The following MYO10 variants were observed in gnomAD, a reference collection of about 807,000 sequenced individuals.
MYO10 encodes unconventional myosin-X.
Under a neutral mutation model 257.3 loss-of-function variants are expected in MYO10, and 133 were observed. That is an observed-to-expected ratio of 0.52 (90% CI 0.45 to 0.60). MYO10 has a LOEUF of 0.60. Ranked by LOEUF, MYO10 falls within the 20% of genes least tolerant of loss-of-function variation. The pLI, the probability that MYO10 is intolerant of heterozygous loss-of-function variation, is 0.00. For missense variants in MYO10, 2,399 were observed against 2,635.7 expected, an observed-to-expected ratio of 0.91 and a Z score of 1.97; for synonymous variants, 1,104 against 1,028.6, an observed-to-expected ratio of 1.07 and a Z score of -1.40.
rs571931909 is a variant in MYO10 at position 16,821,443 on chromosome 5, C to CTTTTTT, written c.121-3282_121-3277dup. Reference sequence around the variant, plus strand: ...ATTTGACTTCCTTTCCTCCTATTTTCTTTTTTTTTTTTTTTTTTTTTTTTT... The same window carrying CTTTTTT: ...ATTTGACTTCCTTTCCTCCTATTTTCTTTTTTTTTTTTTTTTTTTTTTTTTTTTTTT... On this transcript the variant is annotated intron_variant, in intron 2 of 40. Transcript: ENST00000513610. Among the ~76,000 whole-genome samples, 31 of 70,264 alleles carry CTTTTTT rather than the reference C, an allele frequency of 4.4e-4. 3 individuals are homozygous for CTTTTTT. The highest frequency in any genetic ancestry group is 9.8e-4 in the Admixed American group (5 of 5,082). The allele number at this position is 70,264 out of a possible 152,430, so 46.1% of individuals were successfully genotyped here. A position where few individuals can be genotyped will look rare whatever the true frequency, so the allele number is the denominator to read the frequency against.
chr5:16,836,284 CTT>C (rs1743310539), intron 2 of MYO10, among the ~76,000 whole-genome samples: 1 of 152,172 alleles, frequency 6.6e-6, no homozygotes, highest in Non-Finnish European at 1.5e-5. Flanking sequence ...CTCTTACACT[CTT>C]TCAGTAGATA....
At chr5:16,734,822 C>T (rs1579927480) in intron 19 of MYO10, among the ~76,000 whole-genome samples, 1 of 150,328 alleles carries the variant, frequency 6.7e-6, no homozygotes, top group Non-Finnish European at 1.5e-5. Flanking sequence ...AAAAAAAAGA[C>T]TCCAATGCCA....
intron 1 of MYO10, among the ~76,000 whole-genome samples, chr5:16,899,156 G>T: frequency 6.9e-6 from 1 of 144,774 alleles, no homozygotes; most frequent in Admixed American, 7.0e-5. Flanking sequence ...AAAAAAAAGT[G>T]CTAGCGTGTG....
intron 19 of MYO10, chr5:16,713,569 C>T: frequency 2.3e-6 from 2 of 866,904 alleles, no homozygotes; most frequent in South Asian, 5.3e-5. Context: ...AGGGAGGGAG[C>T]AAGGAGCGGC....
At chr5:16,765,134 G>C (rs1228713843) in intron 11 of MYO10, among the ~76,000 whole-genome samples, 1 of 152,090 alleles carries the variant, frequency 6.6e-6, no homozygotes, top group Non-Finnish European at 1.5e-5. Flanking sequence ...GAGTGTGATG[G>C]TTAATACTGA....
At chr5:16,721,032 G>C (rs39887) in intron 19 of MYO10, among the ~76,000 whole-genome samples, 120,542 of 152,100 alleles carry the variant, frequency 0.79, 48,400 homozygotes, top group Non-Finnish European at 0.85. Context: ...TTTCCATTAT[G>C]GGATATACCT....
intron 1 of MYO10, among the ~76,000 whole-genome samples, chr5:16,906,729 C>G (rs1561052471): frequency 6.6e-6 from 1 of 152,168 alleles, no homozygotes; most frequent in Non-Finnish European, 1.5e-5. Flanking sequence ...TCCCCCACAT[C>G]CAAGAAGTGC....
Position 16,818,148 on chromosome 5 carries a change from C to G in MYO10, c.140G>C (p.Ser47Thr). 6.3e-7 allele frequency: 1 copy of G among 1,593,980 alleles called. No individual in the cohort carries two copies. The highest frequency in any genetic ancestry group is 8.6e-7 in the Non-Finnish European group (1 of 1,165,818). Residue 47 changes from serine to threonine, a missense_variant, in exon 3 of 41, where the codon AGC (serine) becomes ACC (threonine). By Grantham distance (58) the Ser-to-Thr change is moderately conservative. This residue lies in a region of MYO10 where 242 missense variants were observed against 249.5 expected (regional missense o/e 0.97). Transcript: ENST00000513610. ...DYGQVFTYKQ[S>T]TITHQKVTAM... ...AGTCACCTTCTGGTGGGTAATTGTG[C>G]TCTGCTTGTAAGTGAATACCTGAGG...
intron 28 of MYO10, 98 bp downstream of exon 28, chr5:16,689,726 T>C: frequency 1.0e-6 from 1 of 969,048 alleles, no homozygotes; most frequent in Non-Finnish European, 1.6e-6. Context: ...ATTAAAATTT[T>C]TCAAGGCCAG....
chr5:16,741,807 G>A, intron 19 of MYO10: 2 of 985,294 alleles, frequency 2.0e-6, no homozygotes, highest in South Asian at 9.4e-5. Flanking sequence ...TCCCTACCTT[G>A]GGTTTTCTTT....
intron 2 of MYO10, among the ~76,000 whole-genome samples, chr5:16,831,304 G>A (rs890212988): frequency 1.3e-5 from 2 of 151,868 alleles, no homozygotes; most frequent in Non-Finnish European, 2.9e-5. Flanking sequence ...CATGGAAAAC[G>A]GTGTGGAGAT....
chr5:16,856,737 C>A (rs1743971226), intron 2 of MYO10, among the ~76,000 whole-genome samples: 1 of 152,038 alleles, frequency 6.6e-6, no homozygotes, highest in Non-Finnish European at 1.5e-5. Context: ...CAGGTGCCAG[C>A]ATGCATGATT....
chr5:16,791,483 C>A (rs940006553), intron 4 of MYO10, among the ~76,000 whole-genome samples: 1 of 151,972 alleles, frequency 6.6e-6, no homozygotes, highest in African/African-American at 2.4e-5. Context: ...GATCCACCCC[C>A]CTCTCCCCCT....
In MYO10 at chr5:16,871,395, G is replaced by A. The variant is rs566783755; in HGVS notation, c.120+6214C>T. Among the ~76,000 whole-genome samples, 14 of 152,240 alleles carry A rather than the reference G, an allele frequency of 9.2e-5. No homozygotes were observed. In the East Asian group the frequency reaches 1.9e-3, roughly 21 times the overall value. On this transcript the variant is annotated intron_variant, in intron 2 of 40. Coordinates refer to ENST00000513610, the MANE Select transcript of MYO10 (RefSeq NM_012334.3). ...TTTGGGAGGCCAAGGCAGGCAGATC[G>A]CTTGAGCTCAGGAGCTGGAGACCAG...
chr5:16,816,720 G>A (rs898444059), intron 3 of MYO10, among the ~76,000 whole-genome samples: 3 of 151,558 alleles, frequency 2.0e-5, no homozygotes, highest in African/African-American at 4.9e-5. Context: ...TAGTAGAGAC[G>A]GGGATTCACC....
chr5:16,662,426 C>G lies in MYO10; in HGVS notation c.*4266G>C, dbSNP rs1736017963. The G allele has an allele frequency of 7.1e-6, 1 of 141,678 alleles. No individual in the cohort carries two copies. Among genetic ancestry groups the G allele is most frequent in the Middle Eastern group, 3.5e-3 (1 of 282 alleles). The allele number at this position is 141,678 out of a possible 1,614,324, so 8.8% of individuals were successfully genotyped here. A position where few individuals can be genotyped will look rare whatever the true frequency, so the allele number is the denominator to read the frequency against. ...GCAGCTTTGACCTCCTGGGTTCAAA[C>G]GATTTTCTCATCTCAGCCTCCCCAG... On this transcript the variant is annotated 3_prime_UTR_variant, in exon 41 of 41. Transcript: ENST00000513610.
chr5:16,763,391 G>A (rs775299543), intron 14 of MYO10, 90 bp downstream of exon 14: 16 of 958,044 alleles, frequency 1.7e-5, no homozygotes, highest in East Asian at 9.5e-5. Context: ...GTTGATGTGC[G>A]TGTTCGTGCA....
At chr5:16,773,404 T>A (rs1741115200) in intron 9 of MYO10, among the ~76,000 whole-genome samples, 1 of 152,222 alleles carries the variant, frequency 6.6e-6, no homozygotes, top group Non-Finnish European at 1.5e-5. Context: ...TTTCCCTTTC[T>A]ATGATTAAAG....
At chr5:16,823,828 G>A (rs1029839252) in intron 2 of MYO10, among the ~76,000 whole-genome samples, 1 of 152,002 alleles carries the variant, frequency 6.6e-6, no homozygotes, top group Non-Finnish European at 1.5e-5. Context: ...AGGAAACAAG[G>A]GCCACAATAC....
Sources: gnomAD v4.1 joint callset for allele counts (sites outside exome capture counted in the v4.1 genomes callset) on GRCh38, gnomAD v4.1.1 for gene constraint, gnomAD v4.1.1 regional missense constraint, MANE v1.5 for transcripts, NCBI Gene and HGNC (gene_info 2026-07-23, HGNC 2026-07-21) for gene names.